The following LRFN5 variants were observed in gnomAD, a reference collection of about 807,000 sequenced individuals.
LRFN5 encodes leucine rich repeat and fibronectin type III domain containing 5.
In LRFN5, 24 loss-of-function variants were observed where a neutral mutation model predicts 45.6. The observed-to-expected ratio is 0.53, with a 90% CI of 0.38 to 0.74. The LOEUF (loss-of-function observed/expected upper bound fraction) is 0.74. Ranked by LOEUF, LRFN5 falls within the 30% of genes least tolerant of loss-of-function variation. LRFN5 has a pLI of 0.00. For missense variants in LRFN5, 776 were observed against 861.5 expected (o/e 0.90, Z 1.24); for synonymous variants, 340 against 313.8 (o/e 1.08, Z -0.88).
At chr14:41,804,336 C>T (rs769588054) in intron 2 of LRFN5, among the ~76,000 whole-genome samples, 1 of 151,584 alleles carries the variant, frequency 6.6e-6, no homozygotes, top group Admixed American at 6.6e-5. Context: ...TGGGTAGGGC[C>T]CACAGGACAA....
chr14:41,668,326 G>A (rs1300551363), intron 1 of LRFN5, among the ~76,000 whole-genome samples: 2 of 152,014 alleles, frequency 1.3e-5, no homozygotes, highest in African/African-American at 4.8e-5. Context: ...TTTGTAGGAA[G>A]AATTAGGAAA....
chr14:41,704,009 T>G (rs1401756873), intron 1 of LRFN5, among the ~76,000 whole-genome samples: 1 of 152,066 alleles, frequency 6.6e-6, no homozygotes, highest in Non-Finnish European at 1.5e-5. Flanking sequence ...ACCCCAGAAT[T>G]TTTTACCCTG....
intron 1 of LRFN5, among the ~76,000 whole-genome samples, chr14:41,765,390 A>G (rs1594689074): frequency 1.3e-5 from 2 of 151,986 alleles, no homozygotes; most frequent in East Asian, 3.9e-4. Context: ...ACAACAGAGC[A>G]AAGTATTCTG....
At chr14:41,701,735 C>T (rs1400481534) in intron 1 of LRFN5, among the ~76,000 whole-genome samples, 1 of 152,096 alleles carries the variant, frequency 6.6e-6, no homozygotes, top group Non-Finnish European at 1.5e-5. Context: ...ACCAAGAGGA[C>T]TCGTTGTTGA....
In LRFN5 at chr14:41,870,661, C is replaced by T. The variant is rs551955628; in HGVS notation, c.-20-15945C>T. ...TCAAGGTAATATTTGAGTGGGTGCA[C>T]AGAGCCAAACCATATCAATAACTCT... is the stretch of plus-strand genomic sequence containing the variant. On this transcript the variant is annotated intron_variant, in intron 2 of 5. Transcript: ENST00000298119. Among the ~76,000 whole-genome samples, 8 of 152,296 alleles carry T rather than the reference C, an allele frequency of 5.3e-5. No homozygotes were observed. The South Asian group carries it at 1.7e-3, about 32-fold the overall frequency.
chr14:41,761,112 C>T (rs546953884), intron 1 of LRFN5, among the ~76,000 whole-genome samples: 1 of 152,024 alleles, frequency 6.6e-6, no homozygotes, highest in Non-Finnish European at 1.5e-5. Context: ...TACTTGGGTG[C>T]ATGTGCATAC....
chr14:41,689,994 C>CT (rs1419956448), intron 1 of LRFN5, among the ~76,000 whole-genome samples: 1 of 151,276 alleles, frequency 6.6e-6, no homozygotes, highest in Non-Finnish European at 1.5e-5. Flanking sequence ...ATTATGAATG[C>CT]TAACTTTTTA....
At chr14:41,643,386 A>C (rs776367108) in intron 1 of LRFN5, among the ~76,000 whole-genome samples, 5 of 152,190 alleles carry the variant, frequency 3.3e-5, no homozygotes, top group Non-Finnish European at 7.3e-5. Context: ...TATCCTGTGG[A>C]GATATTGAAA....
intron 2 of LRFN5, among the ~76,000 whole-genome samples, chr14:41,870,973 T>C (rs1472630164): frequency 6.6e-6 from 1 of 152,158 alleles, no homozygotes; most frequent in African/African-American, 2.4e-5. Context: ...ATCTAAATAC[T>C]AGATTATCAG....
chr14:41,759,503 AG>A (rs1566657078), intron 1 of LRFN5, among the ~76,000 whole-genome samples: 2 of 143,418 alleles, frequency 1.4e-5, no homozygotes, highest in Non-Finnish European at 3.1e-5. Flanking sequence ...ACACACAGAG[AG>A]AGCACCAGAA....
intron 1 of LRFN5, among the ~76,000 whole-genome samples, chr14:41,609,539 G>A (rs1209986520): frequency 2.6e-5 from 4 of 151,864 alleles, no homozygotes; most frequent in Non-Finnish European, 5.9e-5. Context: ...TTTTTCCCCT[G>A]AATTCCCTTT....
intron 1 of LRFN5, among the ~76,000 whole-genome samples, chr14:41,630,878 A>G (rs558525558): frequency 2.3e-4 from 35 of 152,182 alleles, no homozygotes; most frequent in African/African-American, 7.7e-4. Flanking sequence ...CTTTTAATTA[A>G]ATGAATTTAA....
chr14:41,643,652 TG>T (rs995772061), intron 1 of LRFN5, among the ~76,000 whole-genome samples: 3 of 152,022 alleles, frequency 2.0e-5, no homozygotes, highest in Non-Finnish European at 4.4e-5. Context: ...CTATTTTTCC[TG>T]GGCACAATCT....
chr14:41,707,114 A>G (rs1012098140), intron 1 of LRFN5, among the ~76,000 whole-genome samples: 10 of 152,224 alleles, frequency 6.6e-5, no homozygotes, highest in African/African-American at 2.2e-4. Flanking sequence ...TACTGCCACA[A>G]ATAATTACAA....
chr14:41,725,879 C>G lies in LRFN5; in HGVS notation c.-196-40975C>G, dbSNP rs11846053. 4.2e-3 allele frequency among the ~76,000 whole-genome samples: 639 copies of G among 152,214 alleles called. 5 individuals carry two copies. Among genetic ancestry groups the G allele is most frequent in the African/African-American group, 0.015 (610 of 41,544 alleles). ...AACTCTCCAATTTTATATTTATTTG[C>G]TTTCTCTTATACTAAGGTAAAAAAC... On this transcript the variant is annotated intron_variant, in intron 1 of 5. Coordinates refer to ENST00000298119, the MANE Select transcript of LRFN5 (RefSeq NM_152447.5).
intron 4 of LRFN5, chr14:41,892,264 G>T (rs886574907): frequency 2.0e-6 from 2 of 983,914 alleles, no homozygotes; most frequent in African/African-American, 3.5e-5. Context: ...TTCCAATGCT[G>T]TGTATAAATC....
At chr14:41,893,873 C>G in intron 4 of LRFN5, 8 of 985,228 alleles carry the variant, frequency 8.1e-6, no homozygotes, top group Non-Finnish European at 9.6e-6. Flanking sequence ...CTTCACTGCC[C>G]AGTTATTTAT....
At chr14:41,831,781 G>C (rs1032817294) in intron 2 of LRFN5, among the ~76,000 whole-genome samples, 1 of 151,710 alleles carries the variant, frequency 6.6e-6, no homozygotes, top group Non-Finnish European at 1.5e-5. Flanking sequence ...CTTTGCTCTT[G>C]TCTTAGCTCA....
At chr14:41,781,883 A>C (rs147399911) in intron 2 of LRFN5, among the ~76,000 whole-genome samples, 1 of 152,062 alleles carries the variant, frequency 6.6e-6, no homozygotes, top group African/African-American at 2.4e-5. Context: ...TTATTGTTAC[A>C]TGAGTCCTGA....
Sources: allele counts gnomAD v4.1 joint callset (sites outside exome capture counted in the v4.1 genomes callset), GRCh38; gene constraint gnomAD v4.1.1; transcripts MANE v1.5; gene names NCBI Gene and HGNC (gene_info 2026-07-23, HGNC 2026-07-21).